Variants in MYZAP observed in about 807,000 individuals in gnomAD.
MYZAP encodes myocardial zonula adherens protein.
In MYZAP, 66 loss-of-function variants were observed where a neutral mutation model predicts 69.4. The ratio of observed to expected loss-of-function variants is 0.95; its 90% CI spans 0.78 to 1.17. MYZAP has a LOEUF of 1.17. Ranked by LOEUF, MYZAP falls within the 50% of genes most tolerant of loss-of-function variation. MYZAP has a pLI of 0.00. For synonymous variants in MYZAP, 256 were observed against 205.9 expected (o/e 1.24, Z -2.09); for missense variants, 611 against 556.2 (o/e 1.10, Z -0.99).
chr15:57,674,198 T>C (rs754173177), intron 11 of MYZAP, among the ~76,000 whole-genome samples: 42 of 152,218 alleles, frequency 2.8e-4, no homozygotes, highest in Non-Finnish European at 4.3e-4. Context: ...TCTATTTTCA[T>C]TTCAGTATCT....
At chr15:57,604,398 T>G in intron 2 of MYZAP, 43 bp downstream of exon 2, 1 of 1,609,390 alleles carries the variant, frequency 6.2e-7, no homozygotes, top group Non-Finnish European at 8.5e-7. Context: ...TTCCAGCCTC[T>G]ATACCCTTAA....
intron 5 of MYZAP, among the ~76,000 whole-genome samples, 199 bp downstream of exon 5, chr15:57,626,091 T>G (rs1266823961): frequency 3.9e-5 from 6 of 152,224 alleles, no homozygotes; most frequent in African/African-American, 7.2e-5. Context: ...TCTAAGGCTT[T>G]GTTTTTGCTC....
intron 6 of MYZAP, 128 bp from the exon 7 acceptor site, chr15:57,632,306 C>G: frequency 6.9e-7 from 1 of 1,459,796 alleles, no homozygotes; most frequent in Non-Finnish European, 9.2e-7. Context: ...CTTGCTGTGT[C>G]TCTCTGCTGC....
chr15:57,608,190 C>A (rs559599113), intron 2 of MYZAP, among the ~76,000 whole-genome samples: 38 of 152,332 alleles, frequency 2.5e-4, no homozygotes, highest in African/African-American at 7.9e-4. Context: ...CAGCCTGGGC[C>A]TTCCTTAGTC....
intron 12 of MYZAP, among the ~76,000 whole-genome samples, chr15:57,677,179 C>T (rs2039183202): frequency 6.6e-6 from 1 of 152,292 alleles, no homozygotes; most frequent in Admixed American, 6.5e-5. Context: ...GGAGAGGCTT[C>T]GGGATGCCCG....
At chr15:57,630,985 G>C (rs1355286450) in intron 6 of MYZAP, among the ~76,000 whole-genome samples, 1 of 152,196 alleles carries the variant, frequency 6.6e-6, no homozygotes, top group Middle Eastern at 3.2e-3. Flanking sequence ...CCCGGTCTCT[G>C]TATTGCCGCC....
chr15:57,648,277 TTG>T, intron 10 of MYZAP: 1 of 985,366 alleles, frequency 1.0e-6, no homozygotes, highest in Middle Eastern at 5.2e-4. Flanking sequence ...ACAATATAAA[TTG>T]TCTTTTCAAG....
At chr15:57,673,098 A>T (rs1341617463) in intron 11 of MYZAP, among the ~76,000 whole-genome samples, 2 of 152,202 alleles carry the variant, frequency 1.3e-5, no homozygotes, top group East Asian at 3.8e-4. Flanking sequence ...TCTCATGAGT[A>T]TACATTTTTT....
chr15:57,597,512 G>A (rs1311263187), intron 1 of MYZAP, among the ~76,000 whole-genome samples: 1 of 152,218 alleles, frequency 6.6e-6, no homozygotes, highest in Non-Finnish European at 1.5e-5. Flanking sequence ...ATGAAGGGCA[G>A]GGTGGTGATG....
chr15:57,592,428 C>G (rs998610879), intron 1 of MYZAP, among the ~76,000 whole-genome samples: 2 of 152,322 alleles, frequency 1.3e-5, no homozygotes, highest in Non-Finnish European at 2.9e-5. Context: ...TGCAGTGTCC[C>G]TACCTTGAGA....
chr15:57,603,656 T>C (rs1223229399), intron 1 of MYZAP, among the ~76,000 whole-genome samples: 15 of 152,242 alleles, frequency 9.9e-5, no homozygotes, highest in African/African-American at 3.6e-4. Context: ...GTAGCATGTG[T>C]CAGAATTTCC....
At chr15:57,680,468 A>G (rs1441598832) in intron 12 of MYZAP, among the ~76,000 whole-genome samples, 1 of 148,134 alleles carries the variant, frequency 6.8e-6, no homozygotes, top group Non-Finnish European at 1.5e-5. Context: ...GAGGGGACTC[A>G]CTGTGGGTTC....
At chr15:57,634,398 C>T (rs1595892069) in intron 8 of MYZAP, among the ~76,000 whole-genome samples, 6 of 152,226 alleles carry the variant, frequency 3.9e-5, no homozygotes, top group African/African-American at 1.4e-4. Context: ...GAGTTCAGGG[C>T]CAAGTCTGTG....
At chr15:57,627,674 A>G (rs761428206) in intron 5 of MYZAP, among the ~76,000 whole-genome samples, 40 of 152,326 alleles carry the variant, frequency 2.6e-4, no homozygotes, top group Non-Finnish European at 4.7e-4. Context: ...TGTCAGAGCT[A>G]GAAAGAACTG....
intron 11 of MYZAP, among the ~76,000 whole-genome samples, chr15:57,664,657 A>G (rs2038482188): frequency 6.6e-6 from 1 of 152,230 alleles, no homozygotes; most frequent in Non-Finnish European, 1.5e-5. Context: ...TTTTAAATAG[A>G]TATCTAATTA....
intron 5 of MYZAP, among the ~76,000 whole-genome samples, chr15:57,626,365 T>C (rs1785117696): frequency 1.3e-5 from 2 of 152,232 alleles, no homozygotes; most frequent in Non-Finnish European, 2.9e-5. Flanking sequence ...GAAAGAATCA[T>C]GGATATTCCA....
chr15:57,610,722 G>A (rs2035051192), intron 2 of MYZAP, among the ~76,000 whole-genome samples: 1 of 152,132 alleles, frequency 6.6e-6, no homozygotes, highest in Non-Finnish European at 1.5e-5. Context: ...AGCGGGTGGA[G>A]CTGAAATAAG....
At chr15:57,673,352 G>A (rs775186886) in intron 11 of MYZAP, among the ~76,000 whole-genome samples, 13 of 152,126 alleles carry the variant, frequency 8.5e-5, no homozygotes, top group East Asian at 1.9e-4. Flanking sequence ...AAAGGCAGGC[G>A]TCTTCTGCCT....
At chr15:57,645,439 A>G (rs1439997040) in intron 10 of MYZAP, among the ~76,000 whole-genome samples, 2 of 152,242 alleles carry the variant, frequency 1.3e-5, no homozygotes, top group East Asian at 1.9e-4. Context: ...ACAACAAAAG[A>G]TGGCCTAGAA....
Sources: gnomAD v4.1 joint callset for allele counts (sites outside exome capture counted in the v4.1 genomes callset) on GRCh38, gnomAD v4.1.1 for gene constraint, MANE v1.5 for transcripts, NCBI Gene and HGNC (gene_info 2026-07-23, HGNC 2026-07-21) for gene names.